Variants in SH3D19 observed in about 807,000 individuals in gnomAD.
The protein encoded by SH3D19 is SH3 domain-containing protein 19.
A neutral mutation model predicts 112.1 loss-of-function variants in SH3D19; 58 were observed. The ratio of observed to expected loss-of-function variants is 0.52; its 90% CI spans 0.42 to 0.64. The LOEUF (loss-of-function observed/expected upper bound fraction) is 0.64. Ranked by LOEUF, SH3D19 falls within the 30% of genes least tolerant of loss-of-function variation. The pLI, the probability that SH3D19 is intolerant of heterozygous loss-of-function variation, is 0.00. For missense variants in SH3D19, 1,090 were observed against 1,263.4 expected, an observed-to-expected ratio of 0.86 and a Z score of 2.08; for synonymous variants, 391 against 448.5, an observed-to-expected ratio of 0.87 and a Z score of 1.62.
At chr4:151,200,172 C>T (rs114722862) in intron 2 of SH3D19, among the ~76,000 whole-genome samples, 2,769 of 152,160 alleles carry the variant, frequency 0.018, 74 homozygotes, top group African/African-American at 0.061. Flanking sequence ...CATTTATAAG[C>T]CACCTGGTCT....
chr4:151,263,811 G>C lies in SH3D19; in HGVS notation c.113-37725C>G, dbSNP rs1340066867. On this transcript the variant is annotated intron_variant, in intron 1 of 19. Coordinates refer to ENST00000604030, the MANE Select transcript of SH3D19 (RefSeq NM_001378122.1). ...AGTTTTTGTTGTTGTTGTTGTTGTT[G>C]TTGTTGTTGTTTTGGACAAAGTCTC... 1.1e-4 allele frequency among the ~76,000 whole-genome samples: 13 copies of C among 115,950 alleles called. No individual in the cohort carries two copies. The East Asian group carries it at 3.3e-3, about 29-fold the overall frequency. 76.1% of individuals were successfully genotyped at this position (115,950 alleles called of 152,430 possible). A position where few individuals can be genotyped will look rare whatever the true frequency, so the allele number is the denominator to read the frequency against.
chr4:151,239,254 T>C (rs762559319), intron 1 of SH3D19, among the ~76,000 whole-genome samples: 24 of 152,206 alleles, frequency 1.6e-4, no homozygotes, highest in Non-Finnish European at 2.9e-4. Context: ...ATAAGGTTCT[T>C]TAAGACAGAG....
intron 2 of SH3D19, among the ~76,000 whole-genome samples, chr4:151,215,250 C>T (rs747622569): frequency 6.6e-6 from 1 of 152,224 alleles, no homozygotes; most frequent in African/African-American, 2.4e-5. Context: ...GACCGTACTT[C>T]AGTTTATAAG....
intron 19 of SH3D19, among the ~76,000 whole-genome samples, chr4:151,125,504 AAAAG>A (rs1296905440): frequency 1.8e-4 from 27 of 151,224 alleles, no homozygotes; most frequent in African/African-American, 6.6e-4. Context: ...AAAAAAAAAA[AAAAG>A]AAAGAAAGAA....
At chr4:151,222,847 T>C (rs964246834) in intron 2 of SH3D19, among the ~76,000 whole-genome samples, 1 of 151,880 alleles carries the variant, frequency 6.6e-6, no homozygotes, top group Non-Finnish European at 1.5e-5. Context: ...TAATTGTTAG[T>C]AGAGATGGAG....
At chr4:151,148,282 C>G in intron 10 of SH3D19, 96 bp from the exon 11 acceptor site, 1 of 776,342 alleles carries the variant, frequency 1.3e-6, no homozygotes, top group Non-Finnish European at 1.9e-6. Context: ...CACACACACA[C>G]ACACACAGAG....
chr4:151,164,333 G>C (rs1300596358), intron 8 of SH3D19, among the ~76,000 whole-genome samples: 3 of 152,148 alleles, frequency 2.0e-5, no homozygotes, highest in Non-Finnish European at 4.4e-5. Context: ...GCAGTGCCAT[G>C]AACTGCTCTG....
intron 3 of SH3D19, among the ~76,000 whole-genome samples, chr4:151,185,973 G>C (rs902769045): frequency 6.6e-6 from 1 of 152,160 alleles, no homozygotes; most frequent in Non-Finnish European, 1.5e-5. Context: ...CTAGGAGGTG[G>C]AGGTAGCAAC....
chr4:151,243,460 G>A (rs947677028), intron 1 of SH3D19, among the ~76,000 whole-genome samples: 7 of 152,220 alleles, frequency 4.6e-5, no homozygotes, highest in Non-Finnish European at 8.8e-5. Context: ...AAAACAAAAT[G>A]AGAGGGAATG....
In SH3D19 at chr4:151,265,355, GA is replaced by G. The variant is rs775172113; in HGVS notation, c.113-39270del. Among the ~76,000 whole-genome samples, 690 of 125,024 alleles carry G rather than the reference GA, an allele frequency of 5.5e-3. 2 individuals carry two copies. Among genetic ancestry groups the G allele is most frequent in the Middle Eastern group, 0.025 (6 of 244 alleles). 82.0% of individuals were successfully genotyped at this position (125,024 alleles called of 152,430 possible). On this transcript the variant is annotated intron_variant, in intron 1 of 19. Coordinates refer to ENST00000604030, the MANE Select transcript of SH3D19 (RefSeq NM_001378122.1). ...ACACATGTGGGATGCTAAATCAGTT[GA>G]AAAAAAAAAAAAGAGGATAGAATGT...
chr4:151,232,790 C>T (rs1221788538), intron 1 of SH3D19, among the ~76,000 whole-genome samples: 1 of 152,186 alleles, frequency 6.6e-6, no homozygotes, highest in Admixed American at 6.5e-5. Context: ...TCTTCAGCAT[C>T]CTTGTATTCA....
At position 151,155,844 on chromosome 4, in the gene SH3D19, G is replaced by A. The variant is rs551396402; in HGVS notation, c.1755+3396C>T. Among the ~76,000 whole-genome samples the A allele has an allele frequency of 3.3e-5, 5 of 152,222 alleles. 1 individual carries two copies. The highest frequency in any genetic ancestry group is 4.1e-4 in the South Asian group (2 of 4,824). ...GTAGAGGTTGCAGTGAGCCGAAATCGTGCCACTGCACTCCAACCTGGGCGA... is the reference window on the plus strand; with the variant it reads ...GTAGAGGTTGCAGTGAGCCGAAATCATGCCACTGCACTCCAACCTGGGCGA... On this transcript the variant is annotated intron_variant, in intron 9 of 19. Coordinates refer to ENST00000604030, the MANE Select transcript of SH3D19 (RefSeq NM_001378122.1).
At chr4:151,163,440 T>A (rs1349944896) in intron 8 of SH3D19, among the ~76,000 whole-genome samples, 3 of 152,212 alleles carry the variant, frequency 2.0e-5, no homozygotes, top group African/African-American at 7.2e-5. Flanking sequence ...TATTATTATA[T>A]GTTACTATAC....
intron 1 of SH3D19, among the ~76,000 whole-genome samples, chr4:151,231,432 T>C (rs1769600971): frequency 1.3e-5 from 2 of 150,976 alleles, no homozygotes; most frequent in Admixed American, 1.3e-4. Flanking sequence ...ACAAAGTTAC[T>C]GACACCAACT....
intron 13 of SH3D19, among the ~76,000 whole-genome samples, 168 bp from the exon 14 acceptor site, chr4:151,138,030 C>T (rs949492982): frequency 6.6e-6 from 1 of 152,004 alleles, no homozygotes; most frequent in African/African-American, 2.4e-5. Flanking sequence ...TTTTTTTGGA[C>T]ATTGTTATGA....
intron 1 of SH3D19, among the ~76,000 whole-genome samples, chr4:151,271,165 A>G (rs558397153): frequency 3.9e-5 from 6 of 152,260 alleles, no homozygotes; most frequent in African/African-American, 1.4e-4. Flanking sequence ...AGCTCAAGCA[A>G]TCCTTTCACT....
In SH3D19 at chr4:151,148,092, ATCT is replaced by A. The variant is rs1289057546; in HGVS notation, c.1909_1911del (p.Arg637del). On this transcript the variant is annotated inframe_deletion, in exon 11 of 20. Transcript: ENST00000604030. ...CGATTAAAAGGCAGTTTCTTATTAG[ATCT>A]TCTGGTTGCAGAAAGCTTTGGGGGA... is the stretch of plus-strand genomic sequence containing the variant. 3 of 1,613,880 alleles carry A rather than the reference ATCT, an allele frequency of 1.9e-6. No homozygotes were observed. The highest frequency in any genetic ancestry group is 2.7e-5 in the African/African-American group (2 of 74,836).
chr4:151,150,206 A>AATAT (rs1554037659), intron 9 of SH3D19, among the ~76,000 whole-genome samples: 1,717 of 45,878 alleles, frequency 0.037, 145 homozygotes, highest in African/African-American at 0.06. Flanking sequence ...AAAAAAAAAA[A>AATAT]ATATATATAT....
intron 8 of SH3D19, among the ~76,000 whole-genome samples, chr4:151,160,476 C>T (rs10857254): frequency 0.85 from 128,881 of 152,146 alleles, 55,743 homozygotes; most frequent in Non-Finnish European, 0.95. Context: ...ACCACACCCA[C>T]ATCAGTGATA....
Sources: allele counts gnomAD v4.1 joint callset (sites outside exome capture counted in the v4.1 genomes callset), GRCh38; gene constraint gnomAD v4.1.1; transcripts MANE v1.5; gene names NCBI Gene and HGNC (gene_info 2026-07-23, HGNC 2026-07-21).